The following ELOVL2 variants were observed in gnomAD, a reference collection of about 807,000 sequenced individuals.
The protein encoded by ELOVL2 is very long chain fatty acid elongase 2.
ELOVL2 carries 38 observed loss-of-function variants against 37.7 expected under a neutral mutation model. The ratio of observed to expected loss-of-function variants is 1.01; its 90% CI spans 0.78 to 1.32. ELOVL2 has a LOEUF of 1.32. ELOVL2 is among the 40% of genes most tolerant of loss of function. The pLI, the probability that ELOVL2 is intolerant of heterozygous loss-of-function variation, is 0.00. For synonymous variants in ELOVL2, 115 were observed against 122.3 expected, an observed-to-expected ratio of 0.94 and a Z score of 0.40; for missense variants, 352 against 363.6, an observed-to-expected ratio of 0.97 and a Z score of 0.26.
chr6:10,995,109 A>G lies in ELOVL2; in HGVS notation c.403T>C (p.Leu135=). 1 of 1,613,570 alleles carries G rather than the reference A, an allele frequency of 6.2e-7. No homozygotes were observed. The highest frequency in any genetic ancestry group is 8.5e-7 in the Non-Finnish European group (1 of 1,179,622). ...VEFLDTIFFV[L]RKKTSQITFL... ...GTAATCTGACTCGTTTTTTTCCGCAAAACGAAGAAAATTGTGTCCAGGAAC... is the reference window on the plus strand; with the variant it reads ...GTAATCTGACTCGTTTTTTTCCGCAGAACGAAGAAAATTGTGTCCAGGAAC... Residue 135 remains leucine (L), a synonymous_variant, in exon 5 of 8, where the codon TTG becomes CTG. Transcript: ENST00000354666.
chr6:10,994,919 T>TG, intron 5 of ELOVL2, 88 bp downstream of exon 5: 1 of 1,115,848 alleles, frequency 9.0e-7, no homozygotes, highest in Non-Finnish European at 1.3e-6. Flanking sequence ...CATGCTCTCC[T>TG]GATCTGCATG....
At chr6:11,008,908 T>C (rs1012525451) in intron 2 of ELOVL2, among the ~76,000 whole-genome samples, 4 of 152,198 alleles carry the variant, frequency 2.6e-5, no homozygotes, top group African/African-American at 9.6e-5. Context: ...TTTAAAGATC[T>C]TGAGAAACAG....
At chr6:10,990,253 GATTTCTA>G in intron 6 of ELOVL2, 58 bp downstream of exon 6, 1 of 1,571,718 alleles carries the variant, frequency 6.4e-7, no homozygotes, top group Non-Finnish European at 8.6e-7. Context: ...TGACTTCTAA[GATTTCTA>G]TTTCCTTTCC....
chr6:10,992,870 G>A (rs1387890405), intron 5 of ELOVL2, among the ~76,000 whole-genome samples: 1 of 151,628 alleles, frequency 6.6e-6, no homozygotes, highest in Non-Finnish European at 1.5e-5. Flanking sequence ...GGTAAATACT[G>A]TTTCATAAAA....
chr6:10,989,641 A>AG, intron 7 of ELOVL2, 62 bp downstream of exon 7: 1 of 285,546 alleles, frequency 3.5e-6, no homozygotes, highest in East Asian at 1.1e-4. Context: ...CTCTGTCTCC[A>AG]AAAAAAAAAA....
intron 3 of ELOVL2, among the ~76,000 whole-genome samples, chr6:11,003,913 C>G (rs1782433698): frequency 6.6e-6 from 1 of 151,518 alleles, no homozygotes; most frequent in South Asian, 2.1e-4. Context: ...GAATCCCCAT[C>G]TCTACTAAAA....
At chr6:11,023,762 A>C (rs1440185586) in intron 1 of ELOVL2, among the ~76,000 whole-genome samples, 2 of 152,172 alleles carry the variant, frequency 1.3e-5, no homozygotes, top group African/African-American at 4.8e-5. Flanking sequence ...CTTTTCTAGG[A>C]GGTAAAGGAA....
rs1160053908 is a variant in ELOVL2 at position 11,018,117 on chromosome 6, G to GA, written c.4-7309dup. 3.3e-5 allele frequency among the ~76,000 whole-genome samples: 5 copies of GA among 151,646 alleles called. No individual in the cohort carries two copies. The East Asian group carries it at 5.8e-4, about 18-fold the overall frequency. On this transcript the variant is annotated intron_variant, in intron 1 of 7. Coordinates refer to ENST00000354666, the MANE Select transcript of ELOVL2 (RefSeq NM_017770.4). The stretch of plus-strand genomic sequence containing the variant: ...TGGAAGTTTTCTTCCAAAGAACACA[G>GA]AAAAAAAATTGCCTATATATTTTTA...
At chr6:11,017,017 A>G (rs1425851257) in intron 1 of ELOVL2, among the ~76,000 whole-genome samples, 2 of 152,162 alleles carry the variant, frequency 1.3e-5, no homozygotes, top group African/African-American at 4.8e-5. Flanking sequence ...AGGGTAGGCA[A>G]TGGGTAGAAC....
chr6:11,034,302 C>T (rs1337196541), intron 1 of ELOVL2, among the ~76,000 whole-genome samples: 1 of 152,190 alleles, frequency 6.6e-6, no homozygotes, highest in African/African-American at 2.4e-5. Flanking sequence ...AACTTCTTAG[C>T]CTCAAATTCA....
At chr6:10,988,900 G>A (rs1337223442) in intron 7 of ELOVL2, among the ~76,000 whole-genome samples, 9 of 152,152 alleles carry the variant, frequency 5.9e-5, no homozygotes, top group African/African-American at 1.7e-4. Flanking sequence ...TAAAGACGTC[G>A]GTGCGGCCTT....
Position 11,005,580 on chromosome 6 carries a change from T to C in ELOVL2, c.68-21A>G, listed in dbSNP as rs199547497. ...AGAATCTGAAAAGAAACACATACAGTGAGGATCCTGAGGAATGATGCTCCT... is the reference window on the plus strand; with the variant it reads ...AGAATCTGAAAAGAAACACATACAGCGAGGATCCTGAGGAATGATGCTCCT... On this transcript the variant is annotated intron_variant, in intron 2 of 7. Coordinates refer to ENST00000354666, the MANE Select transcript of ELOVL2 (RefSeq NM_017770.4). The C allele has an allele frequency of 1.6e-5, 26 of 1,591,898 alleles. No homozygotes were observed. The Admixed American group carries it at 3.4e-4, about 21-fold the overall frequency.
At chr6:11,012,349 C>T (rs1782599268) in intron 1 of ELOVL2, among the ~76,000 whole-genome samples, 1 of 152,060 alleles carries the variant, frequency 6.6e-6, no homozygotes, top group Admixed American at 6.5e-5. Flanking sequence ...CGGGAGGCCC[C>T]CGATGTGAGA....
intron 1 of ELOVL2, among the ~76,000 whole-genome samples, chr6:11,038,268 A>G (rs1221486357): frequency 6.6e-6 from 1 of 152,218 alleles, no homozygotes. Flanking sequence ...ATTATTATAC[A>G]GTACTTGAAT....
At chr6:11,010,958 G>A in intron 1 of ELOVL2, 149 bp from the exon 2 acceptor site, 1 of 627,116 alleles carries the variant, frequency 1.6e-6, no homozygotes. Context: ...TAAGGAAAGA[G>A]GACAGTAAAT....
At chr6:11,000,808 G>GT (rs1301643826) in intron 3 of ELOVL2, among the ~76,000 whole-genome samples, 2 of 152,158 alleles carry the variant, frequency 1.3e-5, no homozygotes, top group African/African-American at 4.8e-5. Flanking sequence ...CTGCTACATG[G>GT]TAAGTGTTCA....
chr6:11,005,611 G>C (rs746369853), intron 2 of ELOVL2, 52 bp from the exon 3 acceptor site: 2 of 1,448,060 alleles, frequency 1.4e-6, no homozygotes, highest in South Asian at 2.5e-5. Flanking sequence ...CTCCTGTTTA[G>C]TCATCAGTAT....
chr6:10,991,948 AAT>A (rs1782167451), intron 5 of ELOVL2, among the ~76,000 whole-genome samples: 1 of 152,208 alleles, frequency 6.6e-6, no homozygotes. Flanking sequence ...TCATTTTTCT[AAT>A]ATTCTTAAGC....
At chr6:11,017,213 G>A (rs1287970538) in intron 1 of ELOVL2, among the ~76,000 whole-genome samples, 1 of 152,178 alleles carries the variant, frequency 6.6e-6, no homozygotes, top group Non-Finnish European at 1.5e-5. Context: ...CTTAGTACGT[G>A]TCAGGCACCT....
Sources: allele counts gnomAD v4.1 joint callset (sites outside exome capture counted in the v4.1 genomes callset), GRCh38; gene constraint gnomAD v4.1.1; transcripts MANE v1.5; gene names NCBI Gene and HGNC (gene_info 2026-07-23, HGNC 2026-07-21).